The following CRTC1 variants were observed in gnomAD, a reference collection of about 807,000 sequenced individuals.
CRTC1 encodes the protein CREB regulated transcription coactivator 1.
In CRTC1, 18 loss-of-function variants were observed where a neutral mutation model predicts 66.1. That is an observed-to-expected ratio of 0.27 (90% CI 0.19 to 0.40). The LOEUF (loss-of-function observed/expected upper bound fraction) is 0.40, where lower values mean the gene tolerates loss of function less well. CRTC1 is among the 10% of genes least tolerant of loss of function. The pLI is 1.00. For synonymous variants in CRTC1, 416 were observed against 398.8 expected, an observed-to-expected ratio of 1.04 and a Z score of -0.51; for missense variants, 669 against 887.9, an observed-to-expected ratio of 0.75 and a Z score of 3.13.
chr19:18,748,568 C>T (rs1292209246), intron 4 of CRTC1, among the ~76,000 whole-genome samples: 4 of 146,974 alleles, frequency 2.7e-5, no homozygotes, highest in African/African-American at 9.9e-5. Context: ...GGCACAGTGG[C>T]TCACACCTGT....
At chr19:18,714,269 C>T (rs1029412998) in intron 1 of CRTC1, among the ~76,000 whole-genome samples, 3 of 152,112 alleles carry the variant, frequency 2.0e-5, no homozygotes, top group Middle Eastern at 3.2e-3. Flanking sequence ...TCCAGGCGGG[C>T]GCACTCCATC....
chr19:18,759,667 T>C, intron 7 of CRTC1, 76 bp downstream of exon 7: 1 of 1,514,156 alleles, frequency 6.6e-7, no homozygotes, highest in South Asian at 1.2e-5. Flanking sequence ...TTCTGTCCAC[T>C]CTCTTGAGGT....
rs2054026624 is a variant in CRTC1, at chr19:18,737,632, C to T, written c.127-5278C>T. 2.0e-5 allele frequency among the ~76,000 whole-genome samples: 3 copies of T among 152,076 alleles called. No individual in the cohort carries two copies. The South Asian group carries it at 6.2e-4, about 32-fold the overall frequency. The stretch of plus-strand genomic sequence containing the variant: ...CCTGGGAAGGTGACCTTACAGTTGA[C>T]TCTTGAATCAATGGTTTTGAGCCAC... On this transcript the variant is annotated intron_variant, in intron 1 of 13. Transcript: ENST00000321949.
intron 1 of CRTC1, among the ~76,000 whole-genome samples, chr19:18,726,176 C>T (rs1427356505): frequency 1.3e-5 from 2 of 152,244 alleles, no homozygotes; most frequent in Non-Finnish European, 2.9e-5. Flanking sequence ...GTGGGATTAC[C>T]AGGTTAGAGG....
At chr19:18,750,403 C>T (rs1056865567) in intron 5 of CRTC1, among the ~76,000 whole-genome samples, 45 of 152,338 alleles carry the variant, frequency 3.0e-4, no homozygotes, top group African/African-American at 9.9e-4. Context: ...AGTGTCGCCT[C>T]CAGCTGAGCC....
rs954301681 is a variant in CRTC1 at position 18,779,636 on chromosome 19, C to T, written c.*2254C>T. ...GAAACCTCATACCCCATCCGTCCAA[C>T]CTCCGGCGGGCGCCACTGCTTGTCC... On this transcript the variant is annotated 3_prime_UTR_variant, in exon 14 of 14. Transcript: ENST00000321949. 9.0e-6 allele frequency: 2 copies of T among 223,240 alleles called. No homozygotes were observed. Among genetic ancestry groups the T allele is most frequent in the Non-Finnish European group, 1.8e-5 (2 of 111,866 alleles). 13.8% of individuals were successfully genotyped at this position (223,240 alleles called of 1,614,324 possible). A position where few individuals can be genotyped will look rare whatever the true frequency, so the allele number is the denominator to read the frequency against.
At chr19:18,748,365 T>C (rs2145754476) in intron 4 of CRTC1, among the ~76,000 whole-genome samples, 1 of 146,798 alleles carries the variant, frequency 6.8e-6, no homozygotes, top group East Asian at 2.0e-4. Flanking sequence ...CCACCTCTGC[T>C]TCCAGCTGAT....
chr19:18,742,667 T>C (rs1206585528), intron 1 of CRTC1, among the ~76,000 whole-genome samples: 2 of 152,258 alleles, frequency 1.3e-5, no homozygotes, highest in African/African-American at 4.8e-5. Context: ...TTCACGGTCA[T>C]GGGTTTCTGC....
chr19:18,715,196 G>A (rs1236756660), intron 1 of CRTC1, among the ~76,000 whole-genome samples: 1 of 152,118 alleles, frequency 6.6e-6, no homozygotes, highest in Admixed American at 6.5e-5. Flanking sequence ...GTCTTCACAT[G>A]GCCTGTGTGT....
intron 1 of CRTC1, among the ~76,000 whole-genome samples, chr19:18,703,007 G>A (rs996928558): frequency 2.0e-5 from 3 of 151,490 alleles, no homozygotes; most frequent in African/African-American, 4.9e-5. Context: ...AATTTCCTGG[G>A]CTCAGGCAGT....
chr19:18,756,246 T>C (rs936876510), intron 6 of CRTC1, among the ~76,000 whole-genome samples: 5 of 150,500 alleles, frequency 3.3e-5, no homozygotes, highest in South Asian at 2.1e-4. Flanking sequence ...GACAGGAGAA[T>C]TGCTTGAACC....
chr19:18,692,415 A>C (rs777752407), intron 1 of CRTC1, among the ~76,000 whole-genome samples: 3 of 152,208 alleles, frequency 2.0e-5, no homozygotes, highest in Non-Finnish European at 4.4e-5. Context: ...ACCGTCATCA[A>C]TATGATGAAA....
chr19:18,742,872 G>A, intron 1 of CRTC1, 38 bp from the exon 2 acceptor site: 1 of 1,493,300 alleles, frequency 6.7e-7, no homozygotes. Flanking sequence ...GAGCCTGGGA[G>A]GTGACCCCTC....
rs2054115865 is a variant in CRTC1, at chr19:18,741,765, C to T, written c.127-1145C>T. On this transcript the variant is annotated intron_variant, in intron 1 of 13. Coordinates refer to ENST00000321949, the MANE Select transcript of CRTC1 (RefSeq NM_015321.3). The surrounding 1 kb of genome is among the most constrained non-coding windows in gnomAD (Gnocchi z 4.2). ...CCAATAACACACAAGGTTAATCTTA[C>T]CATCGGCTCCACTTCAGCTCACAGG... 6.6e-6 allele frequency among the ~76,000 whole-genome samples: 1 copy of T among 152,206 alleles called. No individual in the cohort carries two copies. The highest frequency in any genetic ancestry group is 2.4e-5 in the African/African-American group (1 of 41,468).
intron 2 of CRTC1, among the ~76,000 whole-genome samples, chr19:18,743,877 C>T (rs1467961992): frequency 6.6e-6 from 1 of 152,208 alleles, no homozygotes; most frequent in Non-Finnish European, 1.5e-5. Context: ...GCCAGGTTTT[C>T]TCCCCTCCTG....
At chr19:18,716,688 G>C (rs983212947) in intron 1 of CRTC1, among the ~76,000 whole-genome samples, 1 of 152,210 alleles carries the variant, frequency 6.6e-6, no homozygotes, top group Non-Finnish European at 1.5e-5. Flanking sequence ...CTTTCCTGTA[G>C]AGCTGGAGTG....
chr19:18,700,302 T>C (rs739850), intron 1 of CRTC1, among the ~76,000 whole-genome samples: 10,010 of 152,104 alleles, frequency 0.066, 491 homozygotes, highest in East Asian at 0.26. Flanking sequence ...CGGGTGCTAA[T>C]ACCCTGTGCC....
chr19:18,770,096 A>G (rs1021089250), intron 10 of CRTC1, among the ~76,000 whole-genome samples: 3 of 149,148 alleles, frequency 2.0e-5, no homozygotes, highest in African/African-American at 7.4e-5. Context: ...GGAGACAGCA[A>G]TTATAGGCCC....
At chr19:18,708,981 C>T (rs1259987046) in intron 1 of CRTC1, among the ~76,000 whole-genome samples, 4 of 152,190 alleles carry the variant, frequency 2.6e-5, no homozygotes, top group South Asian at 2.1e-4. Context: ...TCTCTAGGCC[C>T]GGGAGGAAGG....
Sources: allele counts gnomAD v4.1 joint callset (sites outside exome capture counted in the v4.1 genomes callset), GRCh38; gene constraint gnomAD v4.1.1; non-coding constraint Gnocchi (gnomAD v3.1); transcripts MANE v1.5; gene names NCBI Gene and HGNC (gene_info 2026-07-23, HGNC 2026-07-21).